PTPRD: variants seen among roughly 807,000 people sequenced by gnomAD.
PTPRD encodes receptor-type tyrosine-protein phosphatase delta.
In PTPRD, 34 loss-of-function variants were observed where a neutral mutation model predicts 214.5. That is an observed-to-expected ratio of 0.16 (90% CI 0.12 to 0.21). The LOEUF is 0.21. Among genes scored for constraint, PTPRD ranks in the 10% least tolerant of loss-of-function variants. The pLI, the probability that PTPRD is intolerant of heterozygous loss-of-function variation, is 1.00. For missense variants in PTPRD, 2,545 were observed against 2,398.7 expected, an observed-to-expected ratio of 1.06 and a Z score of -1.27; for synonymous variants, 1,128 against 845.7, an observed-to-expected ratio of 1.33 and a Z score of -5.79.
At chr9:8,343,556 G>C (rs73643611) in intron 39 of PTPRD, among the ~76,000 whole-genome samples, 15,482 of 151,986 alleles carry the variant, frequency 0.1, 907 homozygotes, top group African/African-American at 0.15. Flanking sequence ...AAAGAAACCT[G>C]TTAGATGGCG....
intron 23 of PTPRD, among the ~76,000 whole-genome samples, chr9:8,501,981 G>T (rs1312571947): frequency 6.6e-6 from 1 of 152,000 alleles, no homozygotes; most frequent in Non-Finnish European, 1.5e-5. Flanking sequence ...AAAAACCCAA[G>T]TATCAACTGG....
At chr9:9,510,832 C>T (rs1480722225) in intron 8 of PTPRD, among the ~76,000 whole-genome samples, 1 of 151,534 alleles carries the variant, frequency 6.6e-6, no homozygotes, top group Non-Finnish European at 1.5e-5. Flanking sequence ...ACCTTAAATG[C>T]CTTAAAATTT....
chr9:8,949,710 A>G (rs900209927), intron 11 of PTPRD, among the ~76,000 whole-genome samples: 3 of 152,158 alleles, frequency 2.0e-5, no homozygotes, highest in Admixed American at 6.6e-5. Flanking sequence ...TAATAATTCA[A>G]CTGCTACTGA....
chr9:10,375,565 G>T (rs1242970869), intron 2 of PTPRD, among the ~76,000 whole-genome samples: 1 of 151,922 alleles, frequency 6.6e-6, no homozygotes, highest in African/African-American at 2.4e-5. Flanking sequence ...TTCTATCTTT[G>T]CTAATCAGAT....
At chr9:8,512,984 T>G (rs918102195) in intron 21 of PTPRD, among the ~76,000 whole-genome samples, 3 of 151,944 alleles carry the variant, frequency 2.0e-5, no homozygotes, top group African/African-American at 7.2e-5. Flanking sequence ...CTATAGGAGG[T>G]CCTTTTTTCC....
chr9:8,765,355 A>G (rs2094650897), intron 11 of PTPRD, among the ~76,000 whole-genome samples: 1 of 152,214 alleles, frequency 6.6e-6, no homozygotes, highest in African/African-American at 2.4e-5. Context: ...TATAAAAACC[A>G]TGACTTCCCT....
intron 11 of PTPRD, among the ~76,000 whole-genome samples, chr9:8,780,297 A>G (rs1447494493): frequency 1.3e-5 from 2 of 152,194 alleles, no homozygotes; most frequent in Admixed American, 6.6e-5. Flanking sequence ...AACTCTTACC[A>G]ATCCATCCCT....
chr9:9,014,976 A>C (rs1208185873), intron 11 of PTPRD, among the ~76,000 whole-genome samples: 2 of 152,144 alleles, frequency 1.3e-5, no homozygotes, highest in Non-Finnish European at 2.9e-5. Flanking sequence ...GTCTGTGTAC[A>C]TGTGAGTATA....
At chr9:8,593,037 G>C (rs1025108921) in intron 14 of PTPRD, among the ~76,000 whole-genome samples, 1 of 152,126 alleles carries the variant, frequency 6.6e-6, no homozygotes, top group African/African-American at 2.4e-5. Context: ...GAAGAAATAG[G>C]GGAACAGCAA....
chr9:9,619,859 A>C (rs1262626551), intron 7 of PTPRD, among the ~76,000 whole-genome samples: 1 of 148,258 alleles, frequency 6.7e-6, no homozygotes, highest in Non-Finnish European at 1.5e-5. Flanking sequence ...TTCTATATAG[A>C]AACATCTATA....
intron 44 of PTPRD, among the ~76,000 whole-genome samples, chr9:8,326,333 G>A (rs1345232231): frequency 6.6e-6 from 1 of 152,152 alleles, no homozygotes; most frequent in Non-Finnish European, 1.5e-5. Flanking sequence ...ATAATCATGT[G>A]GTTTTTGTCA....
intron 7 of PTPRD, among the ~76,000 whole-genome samples, chr9:9,581,142 G>A (rs1017293542): frequency 1.1e-3 from 170 of 152,128 alleles, no homozygotes; most frequent in African/African-American, 3.9e-3. Context: ...ATAGTAAATA[G>A]ATTAGAAAGC....
chr9:9,408,747 T>C (rs2074397570), intron 8 of PTPRD, among the ~76,000 whole-genome samples: 1 of 151,848 alleles, frequency 6.6e-6, no homozygotes, highest in African/African-American at 2.4e-5. Flanking sequence ...TTCTTATCTT[T>C]CAAAAATAAC....
chr9:9,242,492 T>C (rs1001846293), intron 9 of PTPRD, among the ~76,000 whole-genome samples: 1 of 152,170 alleles, frequency 6.6e-6, no homozygotes, highest in Non-Finnish European at 1.5e-5. Context: ...CAATCAGACG[T>C]AGATTTGGTC....
intron 9 of PTPRD, among the ~76,000 whole-genome samples, chr9:9,191,703 T>C (rs2099935303): frequency 6.6e-6 from 1 of 152,100 alleles, no homozygotes; most frequent in South Asian, 2.1e-4. Flanking sequence ...TGGTGCACTA[T>C]GTGAACCAAA....
Position 8,549,890 on chromosome 9 carries a change from A to C in PTPRD, c.353-21111T>G, listed in dbSNP as rs1554767767. Among the ~76,000 whole-genome samples, 3 of 152,302 alleles carry C rather than the reference A, an allele frequency of 2.0e-5. No individual in the cohort carries two copies. The South Asian group carries it at 6.2e-4, about 32-fold the overall frequency. On this transcript the variant is annotated intron_variant, in intron 14 of 45. Coordinates refer to ENST00000381196, the MANE Select transcript of PTPRD (RefSeq NM_002839.4). The stretch of plus-strand genomic sequence containing the variant: ...AATCAGACAAAAAGGGTACCATTTC[A>C]AGCTCTTTCATTTAGCGTATCTATA...
intron 2 of PTPRD, among the ~76,000 whole-genome samples, chr9:10,555,061 TATA>T (rs1419029186): frequency 6.6e-6 from 1 of 152,216 alleles, no homozygotes; most frequent in East Asian, 1.9e-4. Flanking sequence ...ATGAAATTGT[TATA>T]ATTTATTTGA....
At chr9:8,800,173 C>A (rs2096542367) in intron 11 of PTPRD, among the ~76,000 whole-genome samples, 1 of 151,974 alleles carries the variant, frequency 6.6e-6, no homozygotes. Context: ...ATGCATCATG[C>A]CTTTCTGATG....
In PTPRD at chr9:8,321,073, C is replaced by T. The variant is rs539312406; in HGVS notation, c.5535-1107G>A. Among the ~76,000 whole-genome samples, 7 of 152,106 alleles carry T rather than the reference C, an allele frequency of 4.6e-5. No individual in the cohort carries two copies. The East Asian group carries it at 5.8e-4, about 13-fold the overall frequency. On this transcript the variant is annotated intron_variant, in intron 44 of 45. Transcript: ENST00000381196. ...GTTAAGTGAGGTTTGAAAATCCAAG[C>T]GGAGTCAGTCTTTAAGAAGTGATTG...
Sources: allele counts gnomAD v4.1 joint callset (sites outside exome capture counted in the v4.1 genomes callset), GRCh38; gene constraint gnomAD v4.1.1; transcripts MANE v1.5; gene names NCBI Gene and HGNC (gene_info 2026-07-23, HGNC 2026-07-21).